The following DCLK1 variants were observed in gnomAD, a reference collection of about 807,000 sequenced individuals.
DCLK1 encodes serine/threonine-protein kinase DCLK1.
Under a neutral mutation model 86.2 loss-of-function variants are expected in DCLK1, and 16 were observed. The ratio of observed to expected loss-of-function variants is 0.19; its 90% CI spans 0.13 to 0.28. The LOEUF is 0.28. Among genes scored for constraint, DCLK1 ranks in the 10% least tolerant of loss-of-function variants. The pLI is 1.00. For synonymous variants in DCLK1, 369 were observed against 370.5 expected (o/e 1.00, Z 0.05); for missense variants, 590 against 940.2 (o/e 0.63, Z 4.87).
At chr13:35,804,755 A>C (rs2086992281) in intron 15 of DCLK1, among the ~76,000 whole-genome samples, 1 of 152,186 alleles carries the variant, frequency 6.6e-6, no homozygotes, top group Non-Finnish European at 1.5e-5. Context: ...TATTAATCAA[A>C]ACAAATTTCA....
In DCLK1 at chr13:35,774,501, G is replaced by A. The variant is rs764103051; in HGVS notation, c.*34C>T. 281 of 1,549,246 alleles carry A rather than the reference G, an allele frequency of 1.8e-4. No homozygotes were observed. Among genetic ancestry groups the A allele is most frequent in the Non-Finnish European group, 2.1e-4 (242 of 1,145,782 alleles). ...GGGAAAAAAATCTCAGAGTCTCAAAGGGTTAAGCTAGGACTTTGAGTAAAA... is the reference window on the plus strand; with the variant it reads ...GGGAAAAAAATCTCAGAGTCTCAAAAGGTTAAGCTAGGACTTTGAGTAAAA... On this transcript the variant is annotated 3_prime_UTR_variant, in exon 17 of 17. Transcript: ENST00000360631.
intron 11 of DCLK1, among the ~76,000 whole-genome samples, chr13:35,816,381 T>C (rs756682029): frequency 1.3e-4 from 20 of 152,198 alleles, no homozygotes; most frequent in Non-Finnish European, 2.9e-4. Flanking sequence ...ATATCCTGAA[T>C]GTTTTTCCGA....
At chr13:36,037,486 T>C (rs1426277227) in intron 3 of DCLK1, among the ~76,000 whole-genome samples, 1 of 152,120 alleles carries the variant, frequency 6.6e-6, no homozygotes. Context: ...GTTTTTGTTT[T>C]GTTTTGTTTT....
chr13:35,924,150 T>G (rs1362983346), intron 4 of DCLK1, among the ~76,000 whole-genome samples: 1 of 152,168 alleles, frequency 6.6e-6, no homozygotes, highest in Non-Finnish European at 1.5e-5. Context: ...AGCCCCTTGA[T>G]GTGTGCAGCT....
chr13:35,934,712 A>G (rs1876660491), intron 4 of DCLK1, among the ~76,000 whole-genome samples: 1 of 152,158 alleles, frequency 6.6e-6, no homozygotes. Context: ...AAACCATATC[A>G]GTATGTCTGT....
At position 36,131,373 on chromosome 13, in the gene DCLK1, G is replaced by C. The variant is rs996987996; in HGVS notation, c.-279C>G. ...CACTCCAGCCTCTCTCTCCAGAGGA[G>C]GGCGGCGGCGGCGGCGGCGGCGGGC... On this transcript the variant is annotated 5_prime_UTR_variant, in exon 1 of 17. Transcript: ENST00000360631. 1 of 192,644 alleles carries C rather than the reference G, an allele frequency of 5.2e-6. No homozygotes were observed. Among genetic ancestry groups the C allele is most frequent in the African/African-American group, 2.4e-5 (1 of 41,652 alleles). 11.9% of individuals were successfully genotyped at this position (192,644 alleles called of 1,614,324 possible).
At chr13:35,884,263 A>C (rs1039435173) in intron 4 of DCLK1, among the ~76,000 whole-genome samples, 2 of 152,182 alleles carry the variant, frequency 1.3e-5, no homozygotes, top group African/African-American at 4.8e-5. Context: ...ACTGGTCTTG[A>C]AAAAAACAGC....
chr13:35,809,147 T>C, intron 12 of DCLK1, 52 bp from the exon 13 acceptor site: 1 of 1,461,744 alleles, frequency 6.8e-7, no homozygotes, highest in Non-Finnish European at 9.4e-7. Context: ...GGACAAATTA[T>C]GCAGCTTGGT....
intron 16 of DCLK1, among the ~76,000 whole-genome samples, chr13:35,782,270 G>A (rs1293815849): frequency 6.6e-6 from 1 of 152,140 alleles, no homozygotes; most frequent in Non-Finnish European, 1.5e-5. Context: ...CCATCAGACA[G>A]TTAAAATTAC....
At chr13:35,953,649 G>C (rs868207521) in intron 3 of DCLK1, among the ~76,000 whole-genome samples, 1 of 152,098 alleles carries the variant, frequency 6.6e-6, no homozygotes, top group Non-Finnish European at 1.5e-5. Context: ...CTGAGCTTCC[G>C]GCCTGTGTTG....
intron 3 of DCLK1, among the ~76,000 whole-genome samples, chr13:36,094,779 C>T (rs1212962221): frequency 6.6e-6 from 1 of 152,222 alleles, no homozygotes; most frequent in Non-Finnish European, 1.5e-5. Context: ...AAAGAAGAAA[C>T]AATTTCGGGC....
intron 2 of DCLK1, among the ~76,000 whole-genome samples, chr13:36,115,427 T>C (rs1338265583): frequency 6.6e-6 from 1 of 152,198 alleles, no homozygotes; most frequent in Admixed American, 6.5e-5. Context: ...ATAGGTGAAC[T>C]TGAACAAGGA....
chr13:35,807,700 C>T (rs755673321), intron 14 of DCLK1, among the ~76,000 whole-genome samples: 6 of 152,196 alleles, frequency 3.9e-5, no homozygotes, highest in Non-Finnish European at 7.3e-5. Context: ...TTATTTATAT[C>T]TATCTTTTTT....
chr13:36,056,906 AAT>A lies in DCLK1; in HGVS notation c.723+54961_723+54962del, dbSNP rs1555359542. Among the ~76,000 whole-genome samples the A allele has an allele frequency of 1.0e-3, 134 of 130,156 alleles. 3 individuals carry two copies. The Middle Eastern group carries it at 0.013, about 13-fold the overall frequency. 85.4% of individuals were successfully genotyped at this position (130,156 alleles called of 152,430 possible). On this transcript the variant is annotated intron_variant, in intron 3 of 16. Coordinates refer to ENST00000360631, the MANE Select transcript of DCLK1 (RefSeq NM_001330071.2). ...GCAAGACTGTGACAAAAAAAAAAAA[AAT>A]ATATATATATATATATATACACACA...
At chr13:36,119,236 T>TA (rs1438759817) in intron 2 of DCLK1, among the ~76,000 whole-genome samples, 1 of 151,902 alleles carries the variant, frequency 6.6e-6, no homozygotes, top group African/African-American at 2.4e-5. Flanking sequence ...GATTTAGGAG[T>TA]AATAGGCCTT....
At chr13:35,832,561 C>T (rs1869041555) in intron 8 of DCLK1, among the ~76,000 whole-genome samples, 2 of 152,114 alleles carry the variant, frequency 1.3e-5, no homozygotes, top group South Asian at 4.1e-4. Flanking sequence ...TAAGCCTGAA[C>T]TAGGAGGTGC....
At chr13:36,051,570 T>C (rs934867360) in intron 3 of DCLK1, among the ~76,000 whole-genome samples, 1 of 151,908 alleles carries the variant, frequency 6.6e-6, no homozygotes, top group African/African-American at 2.4e-5. Flanking sequence ...GGGCACTCTC[T>C]TTTGTTAATA....
Position 35,774,483 on chromosome 13 carries a change from A to T in DCLK1, c.*52T>A. The T allele has an allele frequency of 6.5e-7, 1 of 1,540,814 alleles. No homozygotes were observed. Among genetic ancestry groups the T allele is most frequent in the Non-Finnish European group, 8.8e-7 (1 of 1,140,548 alleles). The stretch of plus-strand genomic sequence containing the variant: ...TGTTTTACACAAATTTGGGGGAAAA[A>T]AATCTCAGAGTCTCAAAGGGTTAAG... On this transcript the variant is annotated 3_prime_UTR_variant, in exon 17 of 17. Transcript: ENST00000360631.
intron 3 of DCLK1, among the ~76,000 whole-genome samples, chr13:36,103,065 T>C (rs1885271079): frequency 6.6e-6 from 1 of 151,346 alleles, no homozygotes; most frequent in Non-Finnish European, 1.5e-5. Context: ...ATCTGTGGGG[T>C]TTTGTTGTTG....
Sources: allele counts gnomAD v4.1 joint callset (sites outside exome capture counted in the v4.1 genomes callset), GRCh38; gene constraint gnomAD v4.1.1; transcripts MANE v1.5; gene names NCBI Gene and HGNC (gene_info 2026-07-23, HGNC 2026-07-21).